The following OBSL1 variants were observed in gnomAD, a reference collection of about 807,000 sequenced individuals.
OBSL1 encodes obscurin-like protein 1.
A neutral mutation model predicts 172.0 loss-of-function variants in OBSL1; 160 were observed. The ratio of observed to expected loss-of-function variants is 0.93; its 90% CI spans 0.82 to 1.06. The LOEUF (loss-of-function observed/expected upper bound fraction) is 1.06. OBSL1 is among the 50% of genes least tolerant of loss of function. The pLI, the probability that OBSL1 is intolerant of heterozygous loss-of-function variation, is 0.00. For missense variants in OBSL1, 2,681 were observed against 2,715.4 expected, an observed-to-expected ratio of 0.99 and a Z score of 0.28; for synonymous variants, 1,200 against 1,196.3, an observed-to-expected ratio of 1.00 and a Z score of -0.06.
In OBSL1 at chr2:219,570,869, C is replaced by A; in HGVS notation, c.364G>T (p.Gly122Trp). 7.2e-7 allele frequency: 1 copy of A among 1,393,202 alleles called. No individual in the cohort carries two copies. Among genetic ancestry groups the A allele is most frequent in the Non-Finnish European group, 9.3e-7 (1 of 1,075,130 alleles). 86.3% of individuals were successfully genotyped at this position (1,393,202 alleles called of 1,614,324 possible). A position where few individuals can be genotyped will look rare whatever the true frequency, so the allele number is the denominator to read the frequency against. ...AAGACCGGGGCGCCCTCCCCGGACCCCGGCGATGGCAGCGGGCGCTCGGCG... is the reference window on the plus strand; with the variant it reads ...AAGACCGGGGCGCCCTCCCCGGACCACGGCGATGGCAGCGGGCGCTCGGCG... The part of the protein sequence containing the change: ...QPAERPLPSP[G>W]SGEGAPVFLT... The change falls in exon 1 of 21, where the codon GGG (glycine) becomes TGG (tryptophan). Residue 122 changes from glycine (G) to tryptophan (W), a missense_variant. Physicochemically the swap from Gly to Trp is radical, Grantham distance 184. Around this residue, in one of 5 missense-constraint regions of OBSL1, gnomAD observed 706 missense variants for 695.8 expected, o/e 1.01. Coordinates refer to ENST00000404537, the MANE Select transcript of OBSL1 (RefSeq NM_015311.3).
chr2:219,558,001 CA>C lies in OBSL1; in HGVS notation c.3611del (p.Val1204GlyfsTer16). On this transcript the variant is annotated frameshift_variant, in exon 11 of 21. Coordinates refer to ENST00000404537, the MANE Select transcript of OBSL1 (RefSeq NM_015311.3). LOFTEE classifies it high-confidence loss of function. Reference protein sequence around the residue: ...SCELSRAGAPVVWSHNGRPVQ... With the variant: ...SCELSRAGAPXVWSHNGRPVQ... ...CGGGCCTCCCATTGTGGCTCCAGAC[CA>C]CGGGGGCGCCAGCCCGGGACAGTTC... The C allele has an allele frequency of 6.2e-7, 1 of 1,612,390 alleles. No homozygotes were observed. The highest frequency in any genetic ancestry group is 8.5e-7 in the Non-Finnish European group (1 of 1,179,540).
In OBSL1 at chr2:219,554,700, GGT is replaced by G. The variant is rs1695872506; in HGVS notation, c.4648_4649del (p.Thr1550HisfsTer3). The G allele has an allele frequency of 6.3e-7, 1 of 1,579,508 alleles. No homozygotes were observed. The highest frequency in any genetic ancestry group is 1.3e-5 in the African/African-American group (1 of 74,188). ...LRVLRPLEDV[T>X]ISEGGSATFQ... ...AGGTGGCACTGCCCCCCTCACTGAT[GGT>G]CACGTCCTCCAGAGGCCGCAGCACC... is the stretch of plus-strand genomic sequence containing the variant. On this transcript the variant is annotated frameshift_variant, in exon 15 of 21. Transcript: ENST00000404537. LOFTEE classifies it high-confidence loss of function.
At position 219,559,264 on chromosome 2, in the gene OBSL1, C is replaced by G. The variant is rs1479326747; in HGVS notation, c.3187G>C (p.Ala1063Pro). 1 of 1,611,996 alleles carries G rather than the reference C, an allele frequency of 6.2e-7. No homozygotes were observed. The highest frequency in any genetic ancestry group is 8.5e-7 in the Non-Finnish European group (1 of 1,178,384). ...GTGAAGAAGGCCGAGTCATCTCCAGCATCACATACAAACTCGCCCCCGTCC... is the reference window on the plus strand; with the variant it reads ...GTGAAGAAGGCCGAGTCATCTCCAGGATCACATACAAACTCGCCCCCGTCC... ...PEDGGEFVCDAGDDSAFFTVT... is the reference protein window; with the variant it reads ...PEDGGEFVCDPGDDSAFFTVT... The change falls in exon 9 of 21, where the codon GCT becomes CCT. Residue 1063 changes from alanine (A) to proline (P), a missense_variant. This residue lies in a region of OBSL1 where 1,765 missense variants were observed against 1,748.3 expected (regional missense o/e 1.01). Coordinates refer to ENST00000404537, the MANE Select transcript of OBSL1 (RefSeq NM_015311.3).
At chr2:219,555,328 C>T (rs1206158828) in intron 14 of OBSL1, 1 of 154,290 alleles carries the variant, frequency 6.5e-6, no homozygotes, top group Non-Finnish European at 1.4e-5. Context: ...GAGACAGGGT[C>T]TTGCTGTCAC....
chr2:219,557,153 G>A (rs1267867271), intron 12 of OBSL1, 190 bp downstream of exon 12: 1 of 571,206 alleles, frequency 1.8e-6, no homozygotes, highest in Non-Finnish European at 2.9e-6. Context: ...TTAACCACTG[G>A]TTTATGCTGC....
chr2:219,556,694 G>T lies in OBSL1; in HGVS notation c.4096C>A (p.Leu1366Met), dbSNP rs1475175976. The T allele has an allele frequency of 3.1e-6, 5 of 1,607,570 alleles. No individual in the cohort carries two copies. Among genetic ancestry groups the T allele is most frequent in the Non-Finnish European group, 4.3e-6 (5 of 1,174,544 alleles). Residue 1366 changes from leucine (L) to methionine (M), a missense_variant, in exon 13 of 21, where the codon CTG becomes ATG. Physicochemically the swap from Leu to Met is conservative, Grantham distance 15. Around this residue, in one of 5 missense-constraint regions of OBSL1, gnomAD observed 1,765 missense variants for 1,748.3 expected, o/e 1.01. Coordinates refer to ENST00000404537, the MANE Select transcript of OBSL1 (RefSeq NM_015311.3). ...CCCTCGTGGACAGTGAGTGGTGTCA[G>T]CTCCGAGACCAGCTTCACCAGCAGT... Reference protein sequence around the residue: ...EPLLVKLVSELTPLTVHEGDD... With the variant: ...EPLLVKLVSEMTPLTVHEGDD...
intron 6 of OBSL1, 90 bp downstream of exon 6, chr2:219,565,152 C>T: frequency 7.2e-7 from 1 of 1,386,492 alleles, no homozygotes; most frequent in Non-Finnish European, 9.7e-7. Flanking sequence ...TAAAGGACTC[C>T]CCCAAGTAGG....
In OBSL1 at chr2:219,559,251, G is replaced by A. The variant is rs1430240920; in HGVS notation, c.3200C>T (p.Ser1067Leu). The change falls in exon 9 of 21, where the codon TCG becomes TTG. Residue 1067 changes from serine (S) to leucine (L), a missense_variant. This residue lies in a region of OBSL1 where 1,765 missense variants were observed against 1,748.3 expected (regional missense o/e 1.01). Transcript: ENST00000404537. ...TGTGACAGTGACAGTGAAGAAGGCCGAGTCATCTCCAGCATCACATACAAA... is the reference window on the plus strand; with the variant it reads ...TGTGACAGTGACAGTGAAGAAGGCCAAGTCATCTCCAGCATCACATACAAA... ...GEFVCDAGDD[S>L]AFFTVTVTAP... is the part of the protein sequence containing the mutation. 11 of 1,609,554 alleles carry A rather than the reference G, an allele frequency of 6.8e-6. No individual in the cohort carries two copies. Among genetic ancestry groups the A allele is most frequent in the South Asian group, 1.1e-5 (1 of 90,906 alleles).
At chr2:219,557,133 G>A in intron 12 of OBSL1, 1 of 525,458 alleles carries the variant, frequency 1.9e-6, no homozygotes, top group South Asian at 4.2e-5. Flanking sequence ...GGACTCTAGA[G>A]CCCCTGCTTT....
chr2:219,554,538 G>C lies in OBSL1; in HGVS notation c.4812C>G (p.Ala1604=), dbSNP rs564855597. ...HRLVLNGLGL[A]DSGCVSFTAD... is the part of the protein sequence containing the mutation. Reference sequence around the variant, plus strand: ...CTGTGAAGGAGACACAGCCTGAGTCGGCCAGGCCCAGGCCATTGAGTACCA... The same window carrying C: ...CTGTGAAGGAGACACAGCCTGAGTCCGCCAGGCCCAGGCCATTGAGTACCA... Residue 1604 remains alanine (A), a synonymous_variant, in exon 15 of 21, where the codon GCC becomes GCG. Transcript: ENST00000404537. The C allele has an allele frequency of 1.9e-6, 3 of 1,613,438 alleles. No individual in the cohort carries two copies. Among genetic ancestry groups the C allele is most frequent in the South Asian group, 2.2e-5 (2 of 91,074 alleles).
intron 14 of OBSL1, chr2:219,555,668 G>A (rs1695945130): frequency 1.2e-5 from 13 of 1,093,266 alleles, no homozygotes; most frequent in Non-Finnish European, 1.3e-5. Flanking sequence ...TTGGGTGGGA[G>A]GTGTGGGGTG....
chr2:219,564,880 C>A (rs919131244), intron 6 of OBSL1, among the ~76,000 whole-genome samples: 1 of 152,176 alleles, frequency 6.6e-6, no homozygotes, highest in African/African-American at 2.4e-5. Context: ...GTGACCTAAC[C>A]AACATAGTGA....
At chr2:219,563,227 G>C (rs917104411) in intron 7 of OBSL1, 128 bp downstream of exon 7, 3 of 908,748 alleles carry the variant, frequency 3.3e-6, no homozygotes, top group Admixed American at 5.9e-5. Context: ...AAAGGGAGGA[G>C]GTCCGATCTG....
chr2:219,563,221 G>A (rs1696625542), intron 7 of OBSL1, 134 bp downstream of exon 7: 1 of 851,596 alleles, frequency 1.2e-6, no homozygotes, highest in East Asian at 2.7e-5. Flanking sequence ...GAGGAGAAAG[G>A]GAGGAGGTCC....
rs779577810 is a variant in OBSL1, at chr2:219,551,528, C to G, written c.5683+1G>C. ...GCCGCTGCCCAGTTGGCTTTACTCACCCTCTACCAGCAGCCGTGTGTGGGT... is the reference window on the plus strand; with the variant it reads ...GCCGCTGCCCAGTTGGCTTTACTCAGCCTCTACCAGCAGCCGTGTGTGGGT... On this transcript the variant is annotated splice_donor_variant, in intron 20 of 20. Coordinates refer to ENST00000404537, the MANE Select transcript of OBSL1 (RefSeq NM_015311.3). LOFTEE classifies it high-confidence loss of function. 3.2e-6 allele frequency: 5 copies of G among 1,583,994 alleles called. No homozygotes were observed. The East Asian group carries it at 1.2e-4, about 37-fold the overall frequency.
rs527902407 is a variant in OBSL1 at position 219,570,207 on chromosome 2, G to A, written c.1012+14C>T. The stretch of plus-strand genomic sequence containing the variant: ...CACTCGAGGCCCCTCCCTAGGTCCC[G>A]GGCTCCGCCGTACCTTTCACGTGCA... On this transcript the variant is annotated intron_variant, in intron 1 of 20. Transcript: ENST00000404537. 2.6e-6 allele frequency: 4 copies of A among 1,524,198 alleles called. No individual in the cohort carries two copies. Among genetic ancestry groups the A allele is most frequent in the East Asian group, 2.3e-5 (1 of 43,140 alleles). The allele number at this position is 1,524,198 out of a possible 1,614,324, so 94.4% of individuals were successfully genotyped here.
chr2:219,551,582 G>A lies in OBSL1; in HGVS notation c.5630C>T (p.Thr1877Ile). 1 of 1,607,628 alleles carries A rather than the reference G, an allele frequency of 6.2e-7. No individual in the cohort carries two copies. Among genetic ancestry groups the A allele is most frequent in the Non-Finnish European group, 8.5e-7 (1 of 1,177,290 alleles). The part of the protein sequence containing the change: ...IHDVRPEDQG[T>I]YCCQAGQDST... ...GTCCTGGCCGGCCTGGCAGCAGTAA[G>A]TGCCTTGGTCCTCAGGTCGAACGTC... The change falls in exon 20 of 21, where the codon ACT becomes ATT. Residue 1877 changes from threonine to isoleucine, a missense_variant. Thr to Ile is a moderately conservative substitution (Grantham distance 89). Coordinates refer to ENST00000404537, the MANE Select transcript of OBSL1 (RefSeq NM_015311.3).
intron 5 of OBSL1, among the ~76,000 whole-genome samples, chr2:219,565,825 C>T (rs1696847773): frequency 6.6e-6 from 1 of 152,208 alleles, no homozygotes; most frequent in Non-Finnish European, 1.5e-5. Flanking sequence ...CTGGTCAGGT[C>T]TCACCTGGCC....
rs1178513968 is a variant in OBSL1, at chr2:219,568,284, C to T, written c.1053G>A (p.Glu351=). Residue 351 remains glutamate (E), a synonymous_variant, in exon 2 of 21, where the codon GAG becomes GAA. Transcript: ENST00000404537. The surrounding 1 kb of genome is among the most constrained non-coding windows in gnomAD (Gnocchi z 4.1). ...LRFTRPLQDV[E]GREHGIAVLE... ...GCACGGCAATCCCGTGCTCACGGCC[C>T]TCCACGTCCTGCAGGGGCCGTGTGA... 1.2e-6 allele frequency: 2 copies of T among 1,609,026 alleles called. No homozygotes were observed. Among genetic ancestry groups the T allele is most frequent in the East Asian group, 2.2e-5 (1 of 44,744 alleles).
Sources: gnomAD v4.1 joint callset for allele counts (sites outside exome capture counted in the v4.1 genomes callset) on GRCh38, gnomAD v4.1.1 for gene constraint, gnomAD v4.1.1 regional missense constraint, Gnocchi (gnomAD v3.1) non-coding constraint, MANE v1.5 for transcripts, NCBI Gene and HGNC (gene_info 2026-07-23, HGNC 2026-07-21) for gene names.